GALNT13: variants seen among roughly 807,000 people sequenced by gnomAD.
The protein encoded by GALNT13 is polypeptide N-acetylgalactosaminyltransferase 13, also known as UDP-GalNAc:polypeptide N-acetylgalactosaminyltransferase 13.
GALNT13 carries 28 observed loss-of-function variants against 64.2 expected under a neutral mutation model. That is an observed-to-expected ratio of 0.44 (90% CI 0.32 to 0.60). The LOEUF is 0.60. GALNT13 is among the 20% of genes least tolerant of loss of function. GALNT13 has a pLI of 0.05. For synonymous variants in GALNT13, 214 were observed against 224.6 expected (o/e 0.95, Z 0.42); for missense variants, 577 against 669.8 (o/e 0.86, Z 1.53).
intron 3 of GALNT13, among the ~76,000 whole-genome samples, chr2:154,019,601 TCC>T (rs1697277947): frequency 1.3e-5 from 1 of 79,524 alleles, no homozygotes; most frequent in Non-Finnish European, 2.3e-5. Flanking sequence ...AGAGTAAGAC[TCC>T]ACACACACAC....
chr2:154,169,541 G>A (rs1020250053), intron 4 of GALNT13, among the ~76,000 whole-genome samples: 10 of 152,156 alleles, frequency 6.6e-5, no homozygotes, highest in South Asian at 2.1e-4. Flanking sequence ...AATGGGACAC[G>A]ACACCCTTCA....
chr2:154,108,631 G>A (rs1161993281), intron 3 of GALNT13, among the ~76,000 whole-genome samples: 1 of 151,766 alleles, frequency 6.6e-6, no homozygotes, highest in East Asian at 1.9e-4. Flanking sequence ...CTGTGCTTTT[G>A]GGGTCAAATC....
At chr2:153,240,087 G>GT in the GALNT13 span, among the ~76,000 whole-genome samples, 3 of 151,904 alleles carry the variant, frequency 2.0e-5, no homozygotes, top group Non-Finnish European at 4.4e-5. Flanking sequence ...TTTCTTCTAG[G>GT]TTTTTCCAAT....
the GALNT13 span, among the ~76,000 whole-genome samples, chr2:153,398,586 T>G: frequency 6.6e-6 from 1 of 152,106 alleles, no homozygotes. Flanking sequence ...CAGCACCTGT[T>G]GTTTCCTGAC....
chr2:153,857,590 T>A, the GALNT13 span, among the ~76,000 whole-genome samples: 1 of 152,180 alleles, frequency 6.6e-6, no homozygotes, highest in Non-Finnish European at 1.5e-5. Flanking sequence ...CTTTTGTTTT[T>A]ACAGAGGTCA....
At chr2:154,159,715 G>C (rs1184263975) in intron 4 of GALNT13, among the ~76,000 whole-genome samples, 1 of 151,802 alleles carries the variant, frequency 6.6e-6, no homozygotes, top group Admixed American at 6.6e-5. Context: ...GCCTGGAGCA[G>C]AATAAGAAAA....
Position 154,006,133 on chromosome 2 carries a change from A to T in GALNT13, c.142+61494A>T, listed in dbSNP as rs557235928. ...ATGCTGAACATATATTTTTTCACAG[A>T]CATTTTACATTAGAATAATCCTGTG... On this transcript the variant is annotated intron_variant, in intron 3 of 12. Transcript: ENST00000392825. Among the ~76,000 whole-genome samples the T allele has an allele frequency of 3.9e-5, 6 of 152,336 alleles. No individual in the cohort carries two copies. In the East Asian group the frequency reaches 1.2e-3, roughly 29 times the overall value.
the GALNT13 span, among the ~76,000 whole-genome samples, chr2:153,765,280 G>T: frequency 0.018 from 2,787 of 152,316 alleles, 41 homozygotes; most frequent in Non-Finnish European, 0.025. Context: ...ACTGTACTCT[G>T]CAAAGCCACA....
At chr2:153,124,780 G>T in the GALNT13 span, among the ~76,000 whole-genome samples, 3 of 152,172 alleles carry the variant, frequency 2.0e-5, no homozygotes, top group African/African-American at 2.4e-5. Context: ...GGGATTACAG[G>T]TGTGAGCCAC....
At chr2:153,228,370 G>T in the GALNT13 span, among the ~76,000 whole-genome samples, 1 of 152,110 alleles carries the variant, frequency 6.6e-6, no homozygotes, top group Non-Finnish European at 1.5e-5. Context: ...TACTCGAAAT[G>T]CCTGCATTTA....
chr2:153,866,122 G>A, the GALNT13 span, among the ~76,000 whole-genome samples: 30 of 110,642 alleles, frequency 2.7e-4, no homozygotes, highest in Non-Finnish European at 4.8e-4. Flanking sequence ...GAGATCACAT[G>A]GACACAGGAA....
chr2:153,509,445 G>T, the GALNT13 span, among the ~76,000 whole-genome samples: 1,174 of 152,338 alleles, frequency 7.7e-3, 19 homozygotes, highest in African/African-American at 0.026. Flanking sequence ...CATCAATAGT[G>T]ATTCCTTTGC....
At chr2:153,950,549 A>G (rs1026754134) in intron 3 of GALNT13, among the ~76,000 whole-genome samples, 1 of 152,102 alleles carries the variant, frequency 6.6e-6, no homozygotes, top group Non-Finnish European at 1.5e-5. Context: ...GAACATTCAT[A>G]TATAACTCAG....
intron 3 of GALNT13, among the ~76,000 whole-genome samples, chr2:154,111,574 G>A (rs913787204): frequency 6.6e-6 from 1 of 152,060 alleles, no homozygotes; most frequent in Non-Finnish European, 1.5e-5. Flanking sequence ...CTGGAACTAA[G>A]ACCTCTAGGC....
the GALNT13 span, among the ~76,000 whole-genome samples, chr2:153,471,772 A>G: frequency 6.6e-6 from 1 of 152,310 alleles, no homozygotes; most frequent in Non-Finnish European, 1.5e-5. Context: ...ATTAAAGCAT[A>G]TATCTCAAGA....
intron 4 of GALNT13, among the ~76,000 whole-genome samples, chr2:154,196,073 T>G: frequency 6.6e-6 from 1 of 152,224 alleles, no homozygotes; most frequent in East Asian, 1.9e-4. Flanking sequence ...TGGTGTCTTT[T>G]GGGTAAAAAG....
the GALNT13 span, among the ~76,000 whole-genome samples, chr2:153,337,384 C>A: frequency 6.6e-6 from 1 of 152,098 alleles, no homozygotes; most frequent in Non-Finnish European, 1.5e-5. Flanking sequence ...TTTCCTTTCA[C>A]TAATGATCAT....
chr2:153,866,755 A>G, the GALNT13 span, among the ~76,000 whole-genome samples: 1 of 152,218 alleles, frequency 6.6e-6, no homozygotes, highest in African/African-American at 2.4e-5. Context: ...TTTTAACAAA[A>G]GATTTTATGC....
the GALNT13 span, among the ~76,000 whole-genome samples, chr2:153,799,798 T>C: frequency 6.6e-6 from 1 of 152,092 alleles, no homozygotes; most frequent in Non-Finnish European, 1.5e-5. Flanking sequence ...TCCTTAGCCA[T>C]GGGAATGATA....
Sources: allele counts gnomAD v4.1 joint callset (sites outside exome capture counted in the v4.1 genomes callset), GRCh38; gene constraint gnomAD v4.1.1; transcripts MANE v1.5; gene names NCBI Gene and HGNC (gene_info 2026-07-23, HGNC 2026-07-21).